The following CEP164 variants were observed in gnomAD, a reference collection of about 807,000 sequenced individuals.
CEP164 encodes the protein centrosomal protein 164, also known as centrosomal protein of 164 kDa.
CEP164 carries 162 observed loss-of-function variants against 182.7 expected under a neutral mutation model. That is an observed-to-expected ratio of 0.89 (90% CI 0.78 to 1.01). The LOEUF (loss-of-function observed/expected upper bound fraction) is 1.01. Ranked by LOEUF, CEP164 falls within the 50% of genes least tolerant of loss-of-function variation. The probability of loss-of-function intolerance (pLI) is 0.00; values close to 1 mark genes in which losing one functional copy is unlikely to be tolerated. For missense variants in CEP164, 1,735 were observed against 1,790.4 expected (o/e 0.97, Z 0.56); for synonymous variants, 661 against 690.0 (o/e 0.96, Z 0.66).
At chr11:117,346,349 A>G (rs1592058381) in intron 4 of CEP164, among the ~76,000 whole-genome samples, 1 of 151,710 alleles carries the variant, frequency 6.6e-6, no homozygotes, top group Non-Finnish European at 1.5e-5. Context: ...GCTCACTGCA[A>G]CCTCGGCTCA....
At chr11:117,363,368 C>T (rs905540523) in intron 7 of CEP164, 61 bp from the exon 8 acceptor site, 1 of 1,264,156 alleles carries the variant, frequency 7.9e-7, no homozygotes. Flanking sequence ...CTCTGCACAC[C>T]CCTCACCCTG....
chr11:117,381,871 AAGGATGAGGGGAAGCATCCTCATG>A lies in CEP164; in HGVS notation c.1577+14_1577+37del. ...AGCCTGCAGCTGTCCCTCCAGAGGTAAGGATGAGGGGAAGCATCCTCATGAGGATGAGGGCTGGTGGCTGCTCTG... is the reference window on the plus strand; with the variant it reads ...AGCCTGCAGCTGTCCCTCCAGAGGTAAGGATGAGGGCTGGTGGCTGCTCTG... On this transcript the variant is annotated splice_donor_5th_base_variant and intron_variant, in intron 13 of 32. Transcript: ENST00000278935. The A allele has an allele frequency of 5.4e-6, 8 of 1,492,062 alleles. No homozygotes were observed. The highest frequency in any genetic ancestry group is 6.3e-6 in the Non-Finnish European group (7 of 1,119,402). The allele number at this position is 1,492,062 out of a possible 1,614,324, so 92.4% of individuals were successfully genotyped here.
At chr11:117,335,756 A>T in intron 2 of CEP164, 76 bp downstream of exon 2, 1 of 160,376 alleles carries the variant, frequency 6.2e-6, no homozygotes, top group Non-Finnish European at 1.4e-5. Context: ...AGTTAGTGCA[A>T]CCAACAAAAG....
upstream of CEP164, chr11:117,324,113 T>C (rs1320020871): frequency 5.2e-6 from 1 of 191,898 alleles, no homozygotes; most frequent in Non-Finnish European, 1.1e-5. Flanking sequence ...TGAAGTCCTC[T>C]CTCTCTTCTT....
At chr11:117,344,031 T>G in intron 3 of CEP164, 135 bp from the exon 4 acceptor site, 1 of 604,776 alleles carries the variant, frequency 1.7e-6, no homozygotes, top group Non-Finnish European at 3.0e-6. Context: ...GAAACAATTA[T>G]ATATGTTTAT....
rs1191208809 is a variant in CEP164 at position 117,394,239 on chromosome 11, G to A, written c.2617-111G>A. 2.1e-6 allele frequency: 3 copies of A among 1,400,434 alleles called. No individual in the cohort carries two copies. Among genetic ancestry groups the A allele is most frequent in the East Asian group, 2.5e-5 (1 of 40,092 alleles). The allele number at this position is 1,400,434 out of a possible 1,614,324, so 86.8% of individuals were successfully genotyped here. A position where few individuals can be genotyped will look rare whatever the true frequency, so the allele number is the denominator to read the frequency against. On this transcript the variant is annotated intron_variant, in intron 20 of 32. Coordinates refer to ENST00000278935, the MANE Select transcript of CEP164 (RefSeq NM_014956.5). The surrounding 1 kb of genome is among the most constrained non-coding windows in gnomAD (Gnocchi z 4.0). ...CTCCAAGAGCTGGCTTTAGGGAGCC[G>A]ATGGTGTCCCTGATCTTACTGATGC...
intron 10 of CEP164, among the ~76,000 whole-genome samples, chr11:117,374,101 A>G (rs1412794157): frequency 1.3e-5 from 2 of 152,078 alleles, no homozygotes; most frequent in Non-Finnish European, 2.9e-5. Context: ...AATAACATTA[A>G]AATGTTAGCT....
chr11:117,387,957 A>T (rs1264723438), intron 15 of CEP164, among the ~76,000 whole-genome samples: 1 of 152,244 alleles, frequency 6.6e-6, no homozygotes, highest in East Asian at 1.9e-4. Context: ...CAGCGCAGGA[A>T]GCACTGACAT....
intron 2 of CEP164, chr11:117,336,688 G>C (rs1273009299): frequency 5.0e-6 from 4 of 804,974 alleles, no homozygotes; most frequent in Admixed American, 4.0e-5. Flanking sequence ...CGTTCTACCA[G>C]ATCCTGATGT....
chr11:117,386,913 G>A lies in CEP164; in HGVS notation c.1725-290G>A, dbSNP rs1283047867. ...CCCTGCTGCTGCCAGCTCTTGAGCCGCAGCTTCAGATTTTGATCTTGGGCC... is the reference window on the plus strand; with the variant it reads ...CCCTGCTGCTGCCAGCTCTTGAGCCACAGCTTCAGATTTTGATCTTGGGCC... On this transcript the variant is annotated intron_variant, in intron 14 of 32. Transcript: ENST00000278935. The A allele has an allele frequency of 3.8e-5, 14 of 372,158 alleles. 1 individual carries two copies. Among genetic ancestry groups the A allele is most frequent in the African/African-American group, 1.0e-4 (5 of 49,052 alleles). The allele number at this position is 372,158 out of a possible 1,614,324, so 23.1% of individuals were successfully genotyped here.
At chr11:117,378,925 A>G (rs1293948355) in intron 11 of CEP164, among the ~76,000 whole-genome samples, 2 of 152,152 alleles carry the variant, frequency 1.3e-5, no homozygotes, top group African/African-American at 4.8e-5. Flanking sequence ...TTTCTGACTC[A>G]GGGCTCAGTC....
At chr11:117,395,839 A>G in intron 24 of CEP164, 117 bp downstream of exon 24, 1 of 1,292,808 alleles carries the variant, frequency 7.7e-7, no homozygotes, top group Non-Finnish European at 1.1e-6. Context: ...CTTGGGAGCT[A>G]GGCAGAAGAG....
chr11:117,409,922 G>A lies in CEP164; in HGVS notation c.4053G>A (p.Thr1351=), dbSNP rs373842310. ...GGCTCCCCTCCTCTGTGGCTCAAAC[G>A]GTGGACGACTTCCTGTTGGAGAAGT... ...GPRLPSSVAQ[T]VDDFLLEKWR... The change falls in exon 30 of 33, where the codon ACG becomes ACA. Residue 1351 remains threonine (T), a synonymous_variant. Coordinates refer to ENST00000278935, the MANE Select transcript of CEP164 (RefSeq NM_014956.5). The surrounding 1 kb of genome is among the most constrained non-coding windows in gnomAD (Gnocchi z 4.4). 145 of 1,613,988 alleles carry A rather than the reference G, an allele frequency of 9.0e-5. No homozygotes were observed. Among genetic ancestry groups the A allele is most frequent in the Middle Eastern group, 3.3e-4 (2 of 6,062 alleles).
Position 117,392,563 on chromosome 11 carries a change from G to A in CEP164, c.2429G>A (p.Cys810Tyr), listed in dbSNP as rs763793141. 1 of 1,614,082 alleles carries A rather than the reference G, an allele frequency of 6.2e-7. No individual in the cohort carries two copies. Among genetic ancestry groups the A allele is most frequent in the African/African-American group, 1.3e-5 (1 of 74,932 alleles). ...AAAGAGGAGGCCCAGCTGCAGAAGT[G>A]CCTTGGGCAAGTGGAGCACAGAGTT... ...QQKEEAQLQK[C>Y]LGQVEHRVHQ... is the part of the protein sequence containing the mutation. Residue 810 changes from cysteine to tyrosine, a missense_variant, in exon 19 of 33, where the codon TGC becomes TAC. Transcript: ENST00000278935.
At chr11:117,387,507 A>G in intron 15 of CEP164, 95 bp downstream of exon 15, 2 of 1,241,578 alleles carry the variant, frequency 1.6e-6, no homozygotes, top group Non-Finnish European at 1.1e-6. Flanking sequence ...TGGGATGCCC[A>G]TGGTTCTACT....
intron 4 of CEP164, 82 bp from the exon 5 acceptor site, chr11:117,351,708 C>T: frequency 1.5e-6 from 2 of 1,328,072 alleles, no homozygotes; most frequent in Admixed American, 2.0e-5. Flanking sequence ...ACCTCCTCTC[C>T]CTTTTTCTTT....
chr11:117,327,835 A>G (rs2035554506), upstream of CEP164: 1 of 152,182 alleles, frequency 6.6e-6, no homozygotes, highest in South Asian at 2.1e-4. Flanking sequence ...GCTAGGCGGT[A>G]CCTTTTCCGG....
chr11:117,410,002 T>G lies in CEP164; in HGVS notation c.4096+37T>G, dbSNP rs761111854. The G allele has an allele frequency of 2.7e-6, 4 of 1,505,908 alleles. No individual in the cohort carries two copies. In the South Asian group the frequency reaches 4.5e-5, roughly 17 times the overall value. The allele number at this position is 1,505,908 out of a possible 1,614,324, so 93.3% of individuals were successfully genotyped here. ...TCTGGGCGGAGCCTTCCCACCTGCC[T>G]CCTCCTCCTCCTCTTCCTTCCTTTT... On this transcript the variant is annotated intron_variant, in intron 30 of 32. Transcript: ENST00000278935.
Position 117,392,338 on chromosome 11 carries a change from G to C in CEP164, c.2361+35G>C, listed in dbSNP as rs376750914. 4.4e-6 allele frequency: 7 copies of C among 1,596,860 alleles called. No individual in the cohort carries two copies. In the East Asian group the frequency reaches 1.6e-4, roughly 36 times the overall value. On this transcript the variant is annotated intron_variant, in intron 18 of 32. Coordinates refer to ENST00000278935, the MANE Select transcript of CEP164 (RefSeq NM_014956.5). ...AGCATCCTGGGCCCCCTTCATGGCT[G>C]ATTAGCAGAATTCAGCCCCATCCCT...
Sources: allele counts gnomAD v4.1 joint callset (sites outside exome capture counted in the v4.1 genomes callset), GRCh38; gene constraint gnomAD v4.1.1; non-coding constraint Gnocchi (gnomAD v3.1); transcripts MANE v1.5; gene names NCBI Gene and HGNC (gene_info 2026-07-23, HGNC 2026-07-21).